FHIT: variants seen among roughly 807,000 people sequenced by gnomAD.
FHIT encodes fragile histidine triad diadenosine triphosphatase, also known as bis(5'-adenosyl)-triphosphatase.
Under a neutral mutation model 17.9 loss-of-function variants are expected in FHIT, and 19 were observed. The ratio of observed to expected loss-of-function variants is 1.06; its 90% confidence interval spans 0.74 to 1.56. The LOEUF (loss-of-function observed/expected upper bound fraction) is 1.56. Ranked by LOEUF, FHIT falls within the 40% of genes most tolerant of loss-of-function variation. The pLI is 0.00. For synonymous variants in FHIT, 81 were observed against 69.7 expected, an observed-to-expected ratio of 1.16 and a Z score of -0.81; for missense variants, 248 against 189.2, an observed-to-expected ratio of 1.31 and a Z score of -1.82.
chr3:60,197,081 C>A (rs1702682202), intron 5 of FHIT, among the ~76,000 whole-genome samples: 1 of 152,134 alleles, frequency 6.6e-6, no homozygotes, highest in Non-Finnish European at 1.5e-5. Flanking sequence ...GGTACATATT[C>A]CATTTACTAA....
At chr3:60,565,855 G>A (rs1398659321) in intron 4 of FHIT, among the ~76,000 whole-genome samples, 3 of 151,970 alleles carry the variant, frequency 2.0e-5, no homozygotes, top group East Asian at 3.9e-4. Context: ...GTGATGTTAG[G>A]GTGTCAATTT....
intron 4 of FHIT, among the ~76,000 whole-genome samples, chr3:60,714,903 A>G (rs1179911949): frequency 1.3e-5 from 2 of 152,182 alleles, no homozygotes; most frequent in African/African-American, 2.4e-5. Context: ...CAAGCTACCA[A>G]TGTCTTTCTT....
intron 3 of FHIT, among the ~76,000 whole-genome samples, chr3:60,926,022 T>C (rs1443080816): frequency 6.6e-6 from 1 of 152,200 alleles, no homozygotes; most frequent in African/African-American, 2.4e-5. Flanking sequence ...TAAATATATA[T>C]GCACCCAATA....
intron 5 of FHIT, among the ~76,000 whole-genome samples, chr3:60,248,924 G>C (rs1705545373): frequency 6.6e-6 from 1 of 152,108 alleles, no homozygotes; most frequent in African/African-American, 2.4e-5. Flanking sequence ...CCTGGAGAAT[G>C]CTGCACAAAG....
chr3:59,914,119 T>C (rs1575687524), intron 8 of FHIT, among the ~76,000 whole-genome samples: 1 of 152,208 alleles, frequency 6.6e-6, no homozygotes, highest in African/African-American at 2.4e-5. Flanking sequence ...AAATTAATTT[T>C]AGTGATATAA....
intron 5 of FHIT, among the ~76,000 whole-genome samples, chr3:60,129,138 C>T (rs1020097011): frequency 2.5e-4 from 37 of 147,428 alleles, no homozygotes; most frequent in Non-Finnish European, 4.9e-4. Context: ...CTGCAACCTC[C>T]GCCTCCCGGG....
chr3:60,272,857 C>T (rs751670317), intron 5 of FHIT, among the ~76,000 whole-genome samples: 2 of 152,208 alleles, frequency 1.3e-5, no homozygotes, highest in Non-Finnish European at 2.9e-5. Context: ...ATAGCTCCTG[C>T]ATCCACTACT....
In FHIT at chr3:60,131,140, C is replaced by G. The variant is rs1017695617; in HGVS notation, c.104-116988G>C. Among the ~76,000 whole-genome samples, 6 of 143,448 alleles carry G rather than the reference C, an allele frequency of 4.2e-5. No homozygotes were observed. The South Asian group carries it at 7.1e-4, about 17-fold the overall frequency. 94.1% of individuals were successfully genotyped at this position (143,448 alleles called of 152,430 possible). On this transcript the variant is annotated intron_variant, in intron 5 of 9. Transcript: ENST00000492590. ...TCATCCCTTGGATTGGTTTCAAGAC[C>G]CCTGCATATACAAAAATTAGCAGTT...
intron 5 of FHIT, among the ~76,000 whole-genome samples, chr3:60,278,909 G>C (rs545875602): frequency 6.6e-6 from 1 of 151,938 alleles, no homozygotes; most frequent in Non-Finnish European, 1.5e-5. Flanking sequence ...GAAATTTAAA[G>C]AACTGAACAC....
intron 5 of FHIT, among the ~76,000 whole-genome samples, chr3:60,456,250 C>T (rs901049467): frequency 1.3e-5 from 2 of 152,138 alleles, no homozygotes; most frequent in Admixed American, 1.3e-4. Flanking sequence ...TCAGAAAGAA[C>T]AGAAGGGTTG....
At chr3:60,942,485 A>G (rs1450161302) in intron 3 of FHIT, among the ~76,000 whole-genome samples, 1 of 152,040 alleles carries the variant, frequency 6.6e-6, no homozygotes, top group African/African-American at 2.4e-5. Flanking sequence ...TATTCATGGT[A>G]TATTCTTTTG....
At chr3:60,547,019 G>T (rs375957277) in intron 4 of FHIT, among the ~76,000 whole-genome samples, 4 of 152,112 alleles carry the variant, frequency 2.6e-5, no homozygotes. Flanking sequence ...AGGGACAAAA[G>T]CATTAAAAAG....
At chr3:60,647,503 C>A (rs191422716) in intron 4 of FHIT, among the ~76,000 whole-genome samples, 1 of 152,148 alleles carries the variant, frequency 6.6e-6, no homozygotes, top group East Asian at 1.9e-4. Context: ...GCCCTCAAGT[C>A]CAGGGTTCTT....
At chr3:60,507,770 T>C (rs998883711) in intron 5 of FHIT, among the ~76,000 whole-genome samples, 5 of 152,162 alleles carry the variant, frequency 3.3e-5, no homozygotes, top group African/African-American at 1.2e-4. Flanking sequence ...TGAGAACATG[T>C]GGTATTTGCT....
At chr3:61,187,755 C>G (rs954770191) in intron 2 of FHIT, among the ~76,000 whole-genome samples, 15 of 152,174 alleles carry the variant, frequency 9.9e-5, no homozygotes, top group Non-Finnish European at 2.1e-4. Flanking sequence ...TGCAATCAAA[C>G]TAGAACTGAG....
chr3:60,055,932 G>A (rs1702063365), intron 5 of FHIT, among the ~76,000 whole-genome samples: 1 of 152,188 alleles, frequency 6.6e-6, no homozygotes. Context: ...AGCTGGCCAA[G>A]ATGAATATTT....
intron 4 of FHIT, among the ~76,000 whole-genome samples, chr3:60,791,751 A>C (rs575992466): frequency 6.6e-6 from 1 of 152,326 alleles, no homozygotes; most frequent in South Asian, 2.1e-4. Flanking sequence ...ACTCTGAATA[A>C]TGTGAGGGCC....
At chr3:60,513,977 C>T (rs537183135) in intron 5 of FHIT, among the ~76,000 whole-genome samples, 6 of 152,276 alleles carry the variant, frequency 3.9e-5, no homozygotes, top group South Asian at 4.1e-4. Context: ...AGCTGGACAT[C>T]GGAGACTAGG....
chr3:60,008,404 T>C (rs931952376), intron 7 of FHIT, among the ~76,000 whole-genome samples: 10 of 152,158 alleles, frequency 6.6e-5, no homozygotes, highest in Non-Finnish European at 1.3e-4. Flanking sequence ...TTCCCTTTCC[T>C]GACTACAAGT....
Sources: gnomAD v4.1 joint callset for allele counts (sites outside exome capture counted in the v4.1 genomes callset) on GRCh38, gnomAD v4.1.1 for gene constraint, MANE v1.5 for transcripts, NCBI Gene and HGNC (gene_info 2026-07-23, HGNC 2026-07-21) for gene names.